SLC7A14: variants seen among roughly 807,000 people sequenced by gnomAD.
The protein encoded by SLC7A14 is gamma-aminobutyric acid transporter SLC7A14.
In SLC7A14, 37 loss-of-function variants were observed where a neutral mutation model predicts 60.2. The observed-to-expected ratio is 0.61, with a 90% confidence interval of 0.47 to 0.81. SLC7A14 has a LOEUF of 0.81. Among genes scored for constraint, SLC7A14 ranks in the 30% least tolerant of loss-of-function variants. The pLI is 0.00. For synonymous variants in SLC7A14, 399 were observed against 395.8 expected (o/e 1.01, Z -0.10); for missense variants, 886 against 982.7 (o/e 0.90, Z 1.32).
At chr3:170,494,244 T>G (rs895501162) in intron 4 of SLC7A14, among the ~76,000 whole-genome samples, 3 of 152,270 alleles carry the variant, frequency 2.0e-5, no homozygotes, top group Admixed American at 2.0e-4. Context: ...TTTGCAGGGC[T>G]GTTGTGAAAA....
intron 1 of SLC7A14, among the ~76,000 whole-genome samples, chr3:170,548,586 TTGAGAATCAAC>T (rs1714244870): frequency 6.6e-6 from 1 of 152,206 alleles, no homozygotes; most frequent in Non-Finnish European, 1.5e-5. Context: ...CTGGCTGCAC[TTGAGAATCAAC>T]TGGGAAACTT....
At chr3:170,475,833 C>T (rs1334344349) in intron 7 of SLC7A14, among the ~76,000 whole-genome samples, 1 of 152,134 alleles carries the variant, frequency 6.6e-6, no homozygotes, top group Non-Finnish European at 1.5e-5. Flanking sequence ...CTGCCTCAGT[C>T]TCCCGAGTAG....
chr3:170,479,054 G>C (rs1018037733), intron 7 of SLC7A14, among the ~76,000 whole-genome samples: 2 of 152,096 alleles, frequency 1.3e-5, no homozygotes, highest in Admixed American at 1.3e-4. Flanking sequence ...CCTGGTTGGC[G>C]GAGGTTGCAG....
At chr3:170,508,640 A>G (rs1023220136) in intron 2 of SLC7A14, among the ~76,000 whole-genome samples, 1 of 152,234 alleles carries the variant, frequency 6.6e-6, no homozygotes, top group South Asian at 2.1e-4. Context: ...ACATGTCTGT[A>G]AGAAAGTCCT....
chr3:170,544,634 C>T (rs2108301798), intron 1 of SLC7A14, among the ~76,000 whole-genome samples: 1 of 152,266 alleles, frequency 6.6e-6, no homozygotes, highest in African/African-American at 2.4e-5. Flanking sequence ...ACAGCCACTT[C>T]CCAGCATTGT....
At chr3:170,485,138 T>G (rs543885426) in intron 5 of SLC7A14, among the ~76,000 whole-genome samples, 1 of 152,050 alleles carries the variant, frequency 6.6e-6, no homozygotes, top group Non-Finnish European at 1.5e-5. Context: ...AATCAGGGTA[T>G]GTATGGACAC....
chr3:170,541,963 G>GT (rs1206579909), intron 1 of SLC7A14, among the ~76,000 whole-genome samples: 2 of 152,142 alleles, frequency 1.3e-5, no homozygotes, highest in Admixed American at 1.3e-4. Flanking sequence ...AATATCCTCG[G>GT]TTTTTGTAGT....
At chr3:170,472,175 C>G (rs1346235750) in intron 7 of SLC7A14, among the ~76,000 whole-genome samples, 1 of 149,144 alleles carries the variant, frequency 6.7e-6, no homozygotes, top group East Asian at 2.0e-4. Flanking sequence ...TCGAGTCCAG[C>G]CTGGCCAACA....
intron 1 of SLC7A14, among the ~76,000 whole-genome samples, chr3:170,572,060 C>CAAAAAAAAAAAAAAAAAAA (rs765897392): frequency 6.2e-5 from 5 of 80,682 alleles, no homozygotes; most frequent in Non-Finnish European, 1.3e-4. Context: ...GACTCTGTCT[C>CAAAAAAAAAAAAAAAAAAA]AAAAAAAAAA....
intron 4 of SLC7A14, among the ~76,000 whole-genome samples, chr3:170,488,336 A>G (rs930389444): frequency 5.3e-5 from 8 of 152,198 alleles, no homozygotes; most frequent in African/African-American, 1.4e-4. Flanking sequence ...TGCTTTCCCT[A>G]CAGCAAAGTT....
intron 1 of SLC7A14, among the ~76,000 whole-genome samples, chr3:170,549,206 G>C (rs2108304007): frequency 6.9e-6 from 1 of 144,898 alleles, no homozygotes; most frequent in South Asian, 2.2e-4. Context: ...TGGGACACCG[G>C]CCTTCTTCTT....
chr3:170,559,216 C>T (rs766577746), intron 1 of SLC7A14, among the ~76,000 whole-genome samples: 12 of 152,020 alleles, frequency 7.9e-5, no homozygotes, highest in Non-Finnish European at 1.5e-4. Flanking sequence ...TTTCAGGGGA[C>T]AAAATATAAA....
chr3:170,516,329 A>T (rs1713157589), intron 2 of SLC7A14, among the ~76,000 whole-genome samples: 2 of 152,162 alleles, frequency 1.3e-5, no homozygotes, highest in African/African-American at 4.8e-5. Flanking sequence ...TGATCTGGAA[A>T]AGTGCTCTGC....
At chr3:170,566,340 G>A (rs1317121271) in intron 1 of SLC7A14, among the ~76,000 whole-genome samples, 1 of 151,478 alleles carries the variant, frequency 6.6e-6, no homozygotes, top group African/African-American at 2.4e-5. Context: ...CAGGTGTAGA[G>A]CCAAGGAGAG....
chr3:170,525,431 T>G (rs12486404), intron 2 of SLC7A14, among the ~76,000 whole-genome samples: 17,453 of 152,304 alleles, frequency 0.11, 1,227 homozygotes, highest in East Asian at 0.19. Context: ...CCTGTCTCTG[T>G]GGACTATAAA....
intron 2 of SLC7A14, among the ~76,000 whole-genome samples, chr3:170,509,374 T>C (rs1430032263): frequency 6.6e-6 from 1 of 152,094 alleles, no homozygotes; most frequent in Non-Finnish European, 1.5e-5. Flanking sequence ...TAAAGTTGGG[T>C]AGGGAATAGA....
intron 7 of SLC7A14, 156 bp from the exon 8 acceptor site, chr3:170,467,533 A>C: frequency 1.7e-6 from 1 of 581,036 alleles, no homozygotes; most frequent in Non-Finnish European, 2.8e-6. Flanking sequence ...GTGTTTTGAA[A>C]ATACTTGAAT....
chr3:170,569,907 CTTT>C (rs949668255), intron 1 of SLC7A14, among the ~76,000 whole-genome samples: 56 of 152,178 alleles, frequency 3.7e-4, no homozygotes, highest in African/African-American at 1.3e-3. Context: ...CTCCTTTCTT[CTTT>C]ATTAGTCTTG....
At chr3:170,521,212 G>T (rs1322339507) in intron 2 of SLC7A14, among the ~76,000 whole-genome samples, 2 of 152,176 alleles carry the variant, frequency 1.3e-5, no homozygotes, top group African/African-American at 4.8e-5. Context: ...GAGGAGCTTG[G>T]CAAGTTGCTA....
Sources: gnomAD v4.1 joint callset for allele counts (sites outside exome capture counted in the v4.1 genomes callset) on GRCh38, gnomAD v4.1.1 for gene constraint, MANE v1.5 for transcripts, NCBI Gene and HGNC (gene_info 2026-07-23, HGNC 2026-07-21) for gene names.